Variants in MALRD1 observed in about 807,000 individuals in gnomAD.
MALRD1 encodes the protein MAM and LDL receptor class A domain containing 1.
A neutral mutation model predicts 242.1 loss-of-function variants in MALRD1; 247 were observed. That is an observed-to-expected ratio of 1.02 (90% confidence interval 0.92 to 1.13). The LOEUF (loss-of-function observed/expected upper bound fraction) is 1.13. Ranked by LOEUF, MALRD1 falls within the 50% of genes most tolerant of loss-of-function variation. The pLI is 0.00. For synonymous variants in MALRD1, 995 were observed against 866.6 expected (o/e 1.15, Z -2.60); for missense variants, 2,989 against 2,533.1 (o/e 1.18, Z -3.86).
chr10:19,378,005 G>A (rs1023616669), intron 26 of MALRD1, among the ~76,000 whole-genome samples: 5 of 151,906 alleles, frequency 3.3e-5, no homozygotes, highest in Non-Finnish European at 7.4e-5. Context: ...AAAGTAAGCT[G>A]GACGCACAGA....
chr10:19,354,569 T>C (rs1435783398), intron 26 of MALRD1, among the ~76,000 whole-genome samples: 1 of 152,140 alleles, frequency 6.6e-6, no homozygotes, highest in Admixed American at 6.6e-5. Flanking sequence ...TTCTACTCTC[T>C]ACCTTTGTGG....
intron 21 of MALRD1, among the ~76,000 whole-genome samples, chr10:19,293,147 A>T (rs1224242493): frequency 1.3e-5 from 2 of 152,218 alleles, no homozygotes; most frequent in Non-Finnish European, 2.9e-5. Context: ...ACATTCTCCC[A>T]GCATAATTTC....
chr10:19,087,345 A>G (rs775606691), intron 2 of MALRD1, among the ~76,000 whole-genome samples: 2 of 152,100 alleles, frequency 1.3e-5, no homozygotes, highest in Non-Finnish European at 2.9e-5. Flanking sequence ...TATAGGGAGT[A>G]TATAATTGCA....
At chr10:19,158,542 A>G (rs1405588817) in intron 12 of MALRD1, among the ~76,000 whole-genome samples, 1 of 152,206 alleles carries the variant, frequency 6.6e-6, no homozygotes, top group East Asian at 1.9e-4. Context: ...TCAAGGAAGT[A>G]AAGAGAAATA....
In MALRD1 at chr10:19,535,819, A is replaced by C. The variant is rs144309497; in HGVS notation, c.5478+4468A>C. On this transcript the variant is annotated intron_variant, in intron 32 of 39. Coordinates refer to ENST00000454679, the MANE Select transcript of MALRD1 (RefSeq NM_001142308.3). ...CCCCAGAATGTGCCATAAACACATG[A>C]CCTCTTGAGTTAATAATAGCAAATG... is the stretch of plus-strand genomic sequence containing the variant. Among the ~76,000 whole-genome samples the C allele has an allele frequency of 6.4e-3, 980 of 152,220 alleles. 6 individuals are homozygous for C. Among genetic ancestry groups the C allele is most frequent in the African/African-American group, 0.022 (913 of 41,516 alleles).
At chr10:19,681,760 G>C (rs541814335) in intron 36 of MALRD1, among the ~76,000 whole-genome samples, 2 of 151,652 alleles carry the variant, frequency 1.3e-5, no homozygotes, top group East Asian at 3.9e-4. Context: ...TGAGTTTTCT[G>C]CATTTTTTCG....
intron 36 of MALRD1, among the ~76,000 whole-genome samples, chr10:19,620,996 CAA>C (rs71388854): frequency 3.0e-5 from 4 of 135,190 alleles, no homozygotes; most frequent in Admixed American, 7.5e-5. Flanking sequence ...GAGCAACTAC[CAA>C]AAAAAAAAAA....
intron 9 of MALRD1, among the ~76,000 whole-genome samples, chr10:19,135,165 G>T (rs1202284030): frequency 1.3e-5 from 2 of 152,040 alleles, no homozygotes; most frequent in Non-Finnish European, 1.5e-5. Context: ...CTCGTATTTT[G>T]TTTGTTTGAA....
intron 36 of MALRD1, among the ~76,000 whole-genome samples, chr10:19,675,667 A>T (rs114494455): frequency 0.025 from 3,758 of 152,342 alleles, 85 homozygotes; most frequent in African/African-American, 0.055. Flanking sequence ...ATGTACTCCA[A>T]AAAAGTGCTT....
At chr10:19,490,574 G>A (rs1837447255) in intron 29 of MALRD1, among the ~76,000 whole-genome samples, 1 of 150,652 alleles carries the variant, frequency 6.6e-6, no homozygotes, top group South Asian at 2.1e-4. Flanking sequence ...TGAGGTGGGT[G>A]GGGGAAATGG....
chr10:19,583,452 A>C lies in MALRD1; in HGVS notation c.5681-11742A>C, dbSNP rs967494488. Among the ~76,000 whole-genome samples the C allele has an allele frequency of 4.0e-5, 6 of 150,296 alleles. No homozygotes were observed. The South Asian group carries it at 1.3e-3, about 32-fold the overall frequency. On this transcript the variant is annotated intron_variant, in intron 33 of 39. Coordinates refer to ENST00000454679, the MANE Select transcript of MALRD1 (RefSeq NM_001142308.3). ...GCATGAAGGGTTGTTGAATTTTGTC[A>C]AAGGCCTTTTCTGCATCTATTGAGA...
At chr10:19,589,191 A>T (rs1285333412) in intron 33 of MALRD1, among the ~76,000 whole-genome samples, 2 of 152,234 alleles carry the variant, frequency 1.3e-5, no homozygotes, top group Non-Finnish European at 2.9e-5. Flanking sequence ...AGATAGATAG[A>T]TAGATGGGTG....
chr10:19,369,642 TAAAA>T (rs35791083), intron 26 of MALRD1, among the ~76,000 whole-genome samples: 1 of 150,058 alleles, frequency 6.7e-6, no homozygotes. Context: ...CAGATATATT[TAAAA>T]AAAATACATA....
intron 28 of MALRD1, among the ~76,000 whole-genome samples, chr10:19,425,950 AT>A (rs910507736): frequency 3.3e-5 from 5 of 151,996 alleles, no homozygotes; most frequent in African/African-American, 1.2e-4. Flanking sequence ...ATACATGTAT[AT>A]TTTTCCTTAG....
chr10:19,529,494 C>A (rs923689483), intron 31 of MALRD1, among the ~76,000 whole-genome samples: 1 of 121,560 alleles, frequency 8.2e-6, no homozygotes, highest in African/African-American at 3.2e-5. Context: ...AGGATAAAAA[C>A]AGAATCGTGA....
At chr10:19,164,779 C>T (rs1462883042) in intron 12 of MALRD1, among the ~76,000 whole-genome samples, 1 of 152,098 alleles carries the variant, frequency 6.6e-6, no homozygotes, top group African/African-American at 2.4e-5. Context: ...CAGCACCTGG[C>T]ATAATCCTCT....
intron 5 of MALRD1, among the ~76,000 whole-genome samples, chr10:19,109,558 G>T (rs1349197961): frequency 6.6e-6 from 1 of 152,226 alleles, no homozygotes; most frequent in Non-Finnish European, 1.5e-5. Context: ...ATGGTGTGCT[G>T]CAGCCACTTG....
At chr10:19,170,798 C>T (rs567784066) in intron 13 of MALRD1, among the ~76,000 whole-genome samples, 11 of 152,218 alleles carry the variant, frequency 7.2e-5, no homozygotes, top group Non-Finnish European at 1.6e-4. Context: ...ATTCTCTAAT[C>T]TTCTGTTTCT....
At chr10:19,189,559 C>A (rs775597297) in intron 14 of MALRD1, among the ~76,000 whole-genome samples, 1 of 151,934 alleles carries the variant, frequency 6.6e-6, no homozygotes, top group Non-Finnish European at 1.5e-5. Flanking sequence ...AAATCCTCAA[C>A]AAAATATTAG....
Sources: allele counts gnomAD v4.1 joint callset (sites outside exome capture counted in the v4.1 genomes callset), GRCh38; gene constraint gnomAD v4.1.1; transcripts MANE v1.5; gene names NCBI Gene and HGNC (gene_info 2026-07-23, HGNC 2026-07-21).